The following TRHDE variants were observed in gnomAD, a reference collection of about 807,000 sequenced individuals.
TRHDE encodes thyrotropin releasing hormone degrading enzyme, also known as thyrotropin-releasing hormone-degrading ectoenzyme.
A neutral mutation model predicts 125.7 loss-of-function variants in TRHDE; 72 were observed. The ratio of observed to expected loss-of-function variants is 0.57; its 90% CI spans 0.47 to 0.70. TRHDE has a LOEUF of 0.70. Among genes scored for constraint, TRHDE ranks in the 30% least tolerant of loss-of-function variants. The pLI, the probability that TRHDE is intolerant of heterozygous loss-of-function variation, is 0.00. For synonymous variants in TRHDE, 509 were observed against 509.1 expected (o/e 1.00, Z 0.00); for missense variants, 1,110 against 1,327.1 (o/e 0.84, Z 2.54).
chr12:72,584,868 G>T (rs758988499), intron 12 of TRHDE, among the ~76,000 whole-genome samples: 3 of 152,178 alleles, frequency 2.0e-5, no homozygotes, highest in Non-Finnish European at 2.9e-5. Flanking sequence ...ATATGAAAGT[G>T]CAGATATCTC....
intron 7 of TRHDE, among the ~76,000 whole-genome samples, chr12:72,551,128 ATATT>A (rs1312811446): frequency 1.3e-5 from 2 of 152,212 alleles, no homozygotes; most frequent in South Asian, 2.1e-4. Flanking sequence ...TTTTTCCTCT[ATATT>A]TAATATGTCA....
intron 5 of TRHDE, among the ~76,000 whole-genome samples, chr12:72,492,369 A>G (rs371812247): frequency 1.8e-4 from 28 of 152,056 alleles, no homozygotes; most frequent in African/African-American, 6.7e-4. Flanking sequence ...AGAACTTTAT[A>G]AACAGTTGGA....
rs180701223 is a variant in TRHDE at position 72,666,246 on chromosome 12, C to T, written c.*3051C>T. 5 of 152,078 alleles carry T rather than the reference C, an allele frequency of 3.3e-5. No individual in the cohort carries two copies. The highest frequency in any genetic ancestry group is 5.9e-5 in the Non-Finnish European group (4 of 67,982). 9.4% of individuals were successfully genotyped at this position (152,078 alleles called of 1,614,324 possible). On this transcript the variant is annotated 3_prime_UTR_variant, in exon 19 of 19. Coordinates refer to ENST00000261180, the MANE Select transcript of TRHDE (RefSeq NM_013381.3). ...ACTGGGGCTCAGGTAGCAACATGAG[C>T]TATTTAAAACTACAAAATAGGGCTG...
chr12:72,642,370 T>C (rs1358405431), intron 15 of TRHDE, among the ~76,000 whole-genome samples: 1 of 152,214 alleles, frequency 6.6e-6, no homozygotes, highest in African/African-American at 2.4e-5. Context: ...GTAAATTATT[T>C]CACAATGATA....
intron 2 of TRHDE, among the ~76,000 whole-genome samples, chr12:72,206,461 C>A (rs979548337): frequency 2.0e-5 from 3 of 152,162 alleles, no homozygotes; most frequent in Non-Finnish European, 4.4e-5. Flanking sequence ...CTTCACTAAT[C>A]ATAGAGTAGA....
intron 6 of TRHDE, among the ~76,000 whole-genome samples, chr12:72,506,123 A>T (rs1383155080): frequency 6.6e-6 from 1 of 152,030 alleles, no homozygotes; most frequent in Non-Finnish European, 1.5e-5. Context: ...ACATAGTGAG[A>T]CTCTGTCTCT....
rs1332306774 is a variant in TRHDE at position 72,510,676 on chromosome 12, T to C, written c.1722+11041T>C. ...CATGAATGAAAAAAAATGTCTTATT[T>C]AGAAGTAAGTAACATACTAGCATGC... On this transcript the variant is annotated intron_variant, in intron 6 of 18. Transcript: ENST00000261180. 2.0e-5 allele frequency among the ~76,000 whole-genome samples: 3 copies of C among 152,272 alleles called. No individual in the cohort carries two copies. The East Asian group carries it at 5.8e-4, about 29-fold the overall frequency.
At chr12:72,503,974 G>A (rs1878258046) in intron 6 of TRHDE, among the ~76,000 whole-genome samples, 1 of 152,086 alleles carries the variant, frequency 6.6e-6, no homozygotes, top group Non-Finnish European at 1.5e-5. Context: ...TCCCAGAGTG[G>A]GTAGGCCCCC....
intron 5 of TRHDE, among the ~76,000 whole-genome samples, chr12:72,496,350 T>C (rs746733513): frequency 2.0e-5 from 3 of 152,200 alleles, no homozygotes; most frequent in Non-Finnish European, 4.4e-5. Context: ...AGAGATTTAA[T>C]TGACTCACAG....
At position 72,150,072 on chromosome 12, in the gene TRHDE, A is replaced by T. The variant is rs375974065; in HGVS notation, n.279+44320A>T. 9.8e-4 allele frequency among the ~76,000 whole-genome samples: 149 copies of T among 152,302 alleles called. 6 individuals are homozygous for T. In the South Asian group the frequency reaches 0.029, roughly 30 times the overall value. On this transcript the variant is annotated intron_variant and non_coding_transcript_variant, in intron 2 of 4. Transcript: ENST00000548156. ...CCAGACATTATTCTAGGTGCTGGTG[A>T]GGTAGTAGTGAATAAGACATTGAAG... is the stretch of plus-strand genomic sequence containing the variant.
chr12:72,363,953 C>T (rs1207525468), intron 2 of TRHDE, among the ~76,000 whole-genome samples: 1 of 151,976 alleles, frequency 6.6e-6, no homozygotes, highest in African/African-American at 2.4e-5. Context: ...GTACAAAAAT[C>T]ACAAGCATTG....
chr12:72,574,316 A>G (rs1160021265), intron 10 of TRHDE, among the ~76,000 whole-genome samples: 7 of 152,070 alleles, frequency 4.6e-5, no homozygotes, highest in African/African-American at 1.7e-4. Context: ...GTTCTGAGTC[A>G]TTGTAGAAAT....
At chr12:72,220,769 C>T (rs2139367780) in intron 2 of TRHDE, among the ~76,000 whole-genome samples, 1 of 152,174 alleles carries the variant, frequency 6.6e-6, no homozygotes, top group South Asian at 2.1e-4. Flanking sequence ...CATCTTTTTA[C>T]ATCAACTTGT....
At chr12:72,131,221 G>A (rs564222931) in intron 2 of TRHDE, among the ~76,000 whole-genome samples, 7 of 151,598 alleles carry the variant, frequency 4.6e-5, no homozygotes, top group South Asian at 2.1e-4. Context: ...ACAGGCGCCC[G>A]CCACCACGCC....
intron 3 of TRHDE, among the ~76,000 whole-genome samples, chr12:72,433,276 G>T (rs767503984): frequency 2.6e-5 from 4 of 151,928 alleles, no homozygotes; most frequent in Non-Finnish European, 5.9e-5. Flanking sequence ...CTGAAGTATT[G>T]TCTGCTTGTG....
intron 2 of TRHDE, among the ~76,000 whole-genome samples, chr12:72,251,315 A>G (rs1359409132): frequency 1.3e-5 from 2 of 151,866 alleles, no homozygotes; most frequent in Non-Finnish European, 2.9e-5. Context: ...CCCTTACTGT[A>G]TATACCCCCT....
intron 2 of TRHDE, among the ~76,000 whole-genome samples, chr12:72,290,329 A>G (rs112615210): frequency 2.6e-5 from 4 of 152,362 alleles, no homozygotes; most frequent in African/African-American, 9.6e-5. Flanking sequence ...AGTCTGTTTC[A>G]GAATTATTTC....
At chr12:72,562,818 T>C (rs1795542) in intron 8 of TRHDE, 35 bp from the exon 9 acceptor site, 16 of 1,372,398 alleles carry the variant, frequency 1.2e-5, no homozygotes, top group Non-Finnish European at 9.9e-6. Context: ...TAATTCATGT[T>C]TATAAAACTA....
chr12:72,553,107 G>C (rs1365192471), intron 7 of TRHDE, among the ~76,000 whole-genome samples: 1 of 152,152 alleles, frequency 6.6e-6, no homozygotes, highest in Non-Finnish European at 1.5e-5. Context: ...GGGAAGTGGA[G>C]AAATTTGAAA....
Sources: gnomAD v4.1 joint callset for allele counts (sites outside exome capture counted in the v4.1 genomes callset) on GRCh38, gnomAD v4.1.1 for gene constraint, MANE v1.5 for transcripts, NCBI Gene and HGNC (gene_info 2026-07-23, HGNC 2026-07-21) for gene names.